IL33: variants seen among roughly 807,000 people sequenced by gnomAD.
IL33 encodes interleukin-33.
In IL33, 37 loss-of-function variants were observed where a neutral mutation model predicts 27.3. The observed-to-expected ratio is 1.36, with a 90% confidence interval of 1.04 to 1.78. The LOEUF (loss-of-function observed/expected upper bound fraction) is 1.78, where lower values mean the gene tolerates loss of function less well. Ranked by LOEUF, IL33 falls within the 40% of genes most tolerant of loss-of-function variation. The pLI, the probability that IL33 is intolerant of heterozygous loss-of-function variation, is 0.00. For synonymous variants in IL33, 132 were observed against 102.9 expected, an observed-to-expected ratio of 1.28 and a Z score of -1.71; for missense variants, 406 against 311.4, an observed-to-expected ratio of 1.30 and a Z score of -2.29.
intron 1 of IL33, among the ~76,000 whole-genome samples, chr9:6,228,080 T>C (rs558487277): frequency 6.6e-6 from 1 of 152,346 alleles, no homozygotes; most frequent in South Asian, 2.1e-4. Flanking sequence ...GCTGTAATAA[T>C]TGAATAAGTT....
chr9:6,241,767 T>C lies in IL33; in HGVS notation c.73T>C (p.Leu25=). 1 of 1,610,430 alleles carries C rather than the reference T, an allele frequency of 6.2e-7. No homozygotes were observed. Among genetic ancestry groups the C allele is most frequent in the South Asian group, 1.1e-5 (1 of 90,438 alleles). Residue 25 remains leucine, a synonymous_variant, in exon 2 of 8, where the codon TTG becomes CTG. Transcript: ENST00000682010. ...AKWKNTASKA[L]CFKLGKSQQK... is the part of the protein sequence containing the mutation. ...GTGGAAGAACACAGCAAGCAAAGCC[T>C]TGTGTTTCAAGCTGGGAAGTAAGGA...
chr9:6,245,718 T>G (rs1212832306), intron 2 of IL33, among the ~76,000 whole-genome samples: 2 of 152,036 alleles, frequency 1.3e-5, no homozygotes, highest in Admixed American at 6.6e-5. Flanking sequence ...TTGAATGAAT[T>G]GTAAGAATGG....
intron 1 of IL33, among the ~76,000 whole-genome samples, chr9:6,230,017 G>A (rs940796746): frequency 1.3e-5 from 2 of 152,162 alleles, no homozygotes; most frequent in Non-Finnish European, 2.9e-5. Flanking sequence ...AGTGCATGGT[G>A]AATTGAGGAA....
intron 1 of IL33, among the ~76,000 whole-genome samples, chr9:6,236,060 A>C (rs1435816799): frequency 7.7e-6 from 1 of 130,468 alleles, no homozygotes; most frequent in Non-Finnish European, 1.7e-5. Context: ...CACACACACA[A>C]CTGTCAGTTG....
chr9:6,249,268 G>T (rs1244476168), intron 2 of IL33, among the ~76,000 whole-genome samples: 2 of 152,096 alleles, frequency 1.3e-5, no homozygotes, highest in African/African-American at 4.8e-5. Flanking sequence ...TCTTTAAAAA[G>T]CATTATTTTA....
intron 1 of IL33, 84 bp from the exon 2 acceptor site, chr9:6,241,600 A>G (rs1028756905): frequency 4.4e-5 from 31 of 705,720 alleles, no homozygotes; most frequent in Non-Finnish European, 6.7e-5. Context: ...TTATGTTACC[A>G]ATTTGGTAGT....
chr9:6,218,151 C>T (rs980393475), intron 1 of IL33, among the ~76,000 whole-genome samples: 4 of 152,160 alleles, frequency 2.6e-5, no homozygotes, highest in African/African-American at 9.7e-5. Context: ...GCACAAGCAT[C>T]GCACTTTCCT....
chr9:6,220,105 A>G (rs1355096675), intron 1 of IL33, among the ~76,000 whole-genome samples: 2 of 152,184 alleles, frequency 1.3e-5, no homozygotes, highest in East Asian at 1.9e-4. Context: ...TGCCCTAGGG[A>G]AAGAGTTCCT....
intron 2 of IL33, among the ~76,000 whole-genome samples, chr9:6,244,013 G>C (rs1252226066): frequency 3.9e-5 from 6 of 152,314 alleles, no homozygotes; most frequent in African/African-American, 1.4e-4. Context: ...TGTAGAAACA[G>C]TGACTCAGTG....
At chr9:6,238,445 A>G (rs1440430088) in intron 1 of IL33, among the ~76,000 whole-genome samples, 1 of 152,206 alleles carries the variant, frequency 6.6e-6, no homozygotes, top group East Asian at 1.9e-4. Flanking sequence ...CTGACCATTG[A>G]GGATTTTGCA....
intron 1 of IL33, among the ~76,000 whole-genome samples, chr9:6,216,770 T>G (rs1220305753): frequency 1.3e-5 from 2 of 152,136 alleles, no homozygotes; most frequent in Non-Finnish European, 2.9e-5. Context: ...ATGGAAACTT[T>G]GAATAAAAAA....
intron 1 of IL33, among the ~76,000 whole-genome samples, chr9:6,223,795 G>C (rs564659072): frequency 6.6e-6 from 1 of 152,048 alleles, no homozygotes; most frequent in East Asian, 1.9e-4. Flanking sequence ...GACACTTTTT[G>C]CTCGCTTAAT....
At chr9:6,251,866 C>A (rs908706539) in intron 4 of IL33, among the ~76,000 whole-genome samples, 1 of 151,446 alleles carries the variant, frequency 6.6e-6, no homozygotes, top group South Asian at 2.1e-4. Context: ...ATGGCGAAAC[C>A]CTGTCTCTAC....
chr9:6,237,750 T>C (rs1017669587), intron 1 of IL33, among the ~76,000 whole-genome samples: 3 of 152,326 alleles, frequency 2.0e-5, no homozygotes, highest in Middle Eastern at 3.4e-3. Flanking sequence ...GTTAAAATAT[T>C]CTAAGATTAT....
At chr9:6,228,282 T>C (rs1019214999) in intron 1 of IL33, among the ~76,000 whole-genome samples, 4 of 152,018 alleles carry the variant, frequency 2.6e-5, no homozygotes. Context: ...CAGTCCTGGT[T>C]ACAGACCAAG....
chr9:6,247,757 C>T lies in IL33; in HGVS notation c.92-2717C>T, dbSNP rs564455876. Among the ~76,000 whole-genome samples, 83 of 152,098 alleles carry T rather than the reference C, an allele frequency of 5.5e-4. 1 individual carries two copies. The highest frequency in any genetic ancestry group is 1.9e-3 in the African/African-American group (79 of 41,484). On this transcript the variant is annotated intron_variant, in intron 2 of 7. Transcript: ENST00000682010. The stretch of plus-strand genomic sequence containing the variant: ...TGCACTTTCCTCTCCAGAACACAAC[C>T]CTCACACTTTCAGCTTCCCAAAACA...
At chr9:6,217,419 C>G (rs1390643361) in intron 1 of IL33, among the ~76,000 whole-genome samples, 1 of 152,106 alleles carries the variant, frequency 6.6e-6, no homozygotes, top group East Asian at 1.9e-4. Context: ...AAACCATACC[C>G]TAAATTTCTC....
rs146830344 is a variant in IL33 at position 6,216,515 on chromosome 9, G to A, written c.-12+663G>A. On this transcript the variant is annotated intron_variant, in intron 1 of 7. Coordinates refer to ENST00000682010, the MANE Select transcript of IL33 (RefSeq NM_033439.4). Reference sequence around the variant, plus strand: ...TTTGGGAGGCCGAGGTGGGTGAATCGCCTGAGGTCAGGAGTTTGCAGCCAG... The same window carrying A: ...TTTGGGAGGCCGAGGTGGGTGAATCACCTGAGGTCAGGAGTTTGCAGCCAG... 8.5e-5 allele frequency among the ~76,000 whole-genome samples: 13 copies of A among 152,200 alleles called. No individual in the cohort carries two copies. The East Asian group carries it at 1.5e-3, about 18-fold the overall frequency.
chr9:6,236,059 A>ACACC (rs1564058869), intron 1 of IL33, among the ~76,000 whole-genome samples: 1 of 145,630 alleles, frequency 6.9e-6, no homozygotes, highest in Non-Finnish European at 1.5e-5. Flanking sequence ...ACACACACAC[A>ACACC]ACTGTCAGTT....
Sources: allele counts gnomAD v4.1 joint callset (sites outside exome capture counted in the v4.1 genomes callset), GRCh38; gene constraint gnomAD v4.1.1; transcripts MANE v1.5; gene names NCBI Gene and HGNC (gene_info 2026-07-23, HGNC 2026-07-21).